Variants in HMGXB3 observed in about 807,000 individuals in gnomAD.
The protein encoded by HMGXB3 is HMG-box containing 3.
Under a neutral mutation model 121.5 loss-of-function variants are expected in HMGXB3, and 45 were observed. The ratio of observed to expected loss-of-function variants is 0.37; its 90% confidence interval spans 0.29 to 0.47. The LOEUF is 0.47. HMGXB3 is among the 20% of genes least tolerant of loss of function. The pLI is 0.99. For synonymous variants in HMGXB3, 590 were observed against 624.1 expected (o/e 0.95, Z 0.81); for missense variants, 1,376 against 1,602.2 (o/e 0.86, Z 2.41).
rs1418543517 is a variant in HMGXB3, at chr5:150,037,537, A to C, written c.2413+10A>C. The C allele has an allele frequency of 1.3e-6, 2 of 1,519,550 alleles. No homozygotes were observed. Among genetic ancestry groups the C allele is most frequent in the Non-Finnish European group, 1.8e-6 (2 of 1,126,596 alleles). 94.1% of individuals were successfully genotyped at this position (1,519,550 alleles called of 1,614,324 possible). Reference sequence around the variant, plus strand: ...ATAGACATCTACACAGGTGGGTGCCAACCTTCTCTTCCCTCAGAGCATCCC... The same window carrying C: ...ATAGACATCTACACAGGTGGGTGCCCACCTTCTCTTCCCTCAGAGCATCCC... On this transcript the variant is annotated intron_variant, in intron 13 of 19. Transcript: ENST00000502717.
intron 6 of HMGXB3, among the ~76,000 whole-genome samples, chr5:150,019,545 A>G (rs1238241945): frequency 2.0e-5 from 3 of 152,226 alleles, no homozygotes; most frequent in Non-Finnish European, 2.9e-5. Flanking sequence ...ATGAAACTAT[A>G]CATTTTAAGG....
In HMGXB3 at chr5:150,004,887, T is replaced by A; in HGVS notation, c.35T>A (p.Val12Asp). 6.4e-7 allele frequency: 1 copy of A among 1,551,682 alleles called. No individual in the cohort carries two copies. The highest frequency in any genetic ancestry group is 8.7e-7 in the Non-Finnish European group (1 of 1,146,946). Reference sequence around the variant, plus strand: ...TCATATGATGGTACTGAGGTAACTGTCGTGATGGAGGAAATTGAGGAAGCC... The same window carrying A: ...TCATATGATGGTACTGAGGTAACTGACGTGATGGAGGAAATTGAGGAAGCC... ...DASYDGTEVT[V>D]VMEEIEEAYC... Residue 12 changes from valine (V) to aspartate (D), a missense_variant, in exon 2 of 20, where the codon GTC becomes GAC. Around this residue, in one of 2 missense-constraint regions of HMGXB3, gnomAD observed 1,116 missense variants for 1,369.0 expected, o/e 0.82. Coordinates refer to ENST00000502717, the MANE Select transcript of HMGXB3 (RefSeq NM_014983.3).
Position 150,036,641 on chromosome 5 carries a change from G to C in HMGXB3, c.1989G>C (p.Val663=), listed in dbSNP as rs1177555661. The C allele has an allele frequency of 1.3e-6, 2 of 1,540,590 alleles. No homozygotes were observed. The highest frequency in any genetic ancestry group is 1.8e-6 in the Non-Finnish European group (2 of 1,140,544). The change falls in exon 12 of 20, where the codon GTG becomes GTC. Residue 663 remains valine, a synonymous_variant. Coordinates refer to ENST00000502717, the MANE Select transcript of HMGXB3 (RefSeq NM_014983.3). The part of the protein sequence containing the change: ...RTEKTTKAIE[V]SSPLPDVLNA... ...TCAATCCACTCTCTTCCCAGGAGGT[G>C]AGCTCACCACTCCCAGATGTACTGA...
intron 6 of HMGXB3, among the ~76,000 whole-genome samples, chr5:150,022,986 A>ATTTTTTTTT (rs56092645): frequency 9.9e-6 from 1 of 100,868 alleles, no homozygotes; most frequent in African/African-American, 4.4e-5. Flanking sequence ...TGCCTGGCTA[A>ATTTTTTTTT]TTTTTTTTTT....
chr5:150,025,487 G>GTA (rs1032243825), intron 7 of HMGXB3, among the ~76,000 whole-genome samples: 7 of 147,102 alleles, frequency 4.8e-5, no homozygotes, highest in African/African-American at 1.6e-4. Flanking sequence ...GTGTGTGTGT[G>GTA]TATATATATT....
At chr5:150,017,444 G>C (rs916509927) in intron 5 of HMGXB3, among the ~76,000 whole-genome samples, 1 of 152,144 alleles carries the variant, frequency 6.6e-6, no homozygotes, top group Admixed American at 6.5e-5. Flanking sequence ...CTATAAAATA[G>C]GAAGAACAGG....
rs1359611079 is a variant in HMGXB3 at position 150,045,511 on chromosome 5, G to T, written c.2776G>T (p.Asp926Tyr). 6.4e-7 allele frequency: 1 copy of T among 1,552,318 alleles called. No homozygotes were observed. Among genetic ancestry groups the T allele is most frequent in the Non-Finnish European group, 8.7e-7 (1 of 1,147,126 alleles). The change falls in exon 16 of 20, where the codon GAC becomes TAC. Residue 926 changes from aspartate to tyrosine, a missense_variant. By Grantham distance (160) the Asp-to-Tyr change is radical. Transcript: ENST00000502717. ...FLGSNEVNVEDFWATMETEVI... is the reference protein window; with the variant it reads ...FLGSNEVNVEYFWATMETEVI... ...GGGCTCTAATGAGGTAAATGTGGAG[G>T]ACTTTTGGGCCACGATGGAGACAGA...
At position 150,027,958 on chromosome 5, in the gene HMGXB3, A is replaced by G. The variant is rs151303124; in HGVS notation, c.1734+841A>G. On this transcript the variant is annotated intron_variant, in intron 9 of 19. Coordinates refer to ENST00000502717, the MANE Select transcript of HMGXB3 (RefSeq NM_014983.3). The stretch of plus-strand genomic sequence containing the variant: ...CCTGTGAACCCTGAAAATCTGAGAC[A>G]GGTCTCAGTTAATTTAGAAAGCTTA... 9.4e-3 allele frequency among the ~76,000 whole-genome samples: 1,438 copies of G among 152,332 alleles called. 14 individuals carry two copies. The highest frequency in any genetic ancestry group is 0.015 in the Non-Finnish European group (1,028 of 68,032).
rs995525512 is a variant in HMGXB3, at chr5:150,041,842, A to G, written c.2603A>G (p.Tyr868Cys). 3.2e-6 allele frequency: 5 copies of G among 1,551,626 alleles called. No homozygotes were observed. The highest frequency in any genetic ancestry group is 1.4e-5 in the African/African-American group (1 of 73,140). ...CTGCAGGAGCTGCTGTGCAATGGCT[A>G]TTGGGCCTTTGAGTGCCTCACTGTC... is the stretch of plus-strand genomic sequence containing the variant. ...SQLQELLCNG[Y>C]WAFECLTVRD... The change falls in exon 15 of 20, where the codon TAT becomes TGT. Residue 868 changes from tyrosine to cysteine, a missense_variant. Tyr to Cys is a radical substitution (Grantham distance 194). Coordinates refer to ENST00000502717, the MANE Select transcript of HMGXB3 (RefSeq NM_014983.3).
In HMGXB3 at chr5:150,051,914, G is replaced by A. The variant is rs201732673; in HGVS notation, c.3601G>A (p.Ala1201Thr). Residue 1201 changes from alanine to threonine, a missense_variant, in exon 20 of 20, where the codon GCA becomes ACA. Transcript: ENST00000502717. ...CCTGTGCCCTGAATTGGCACCTTAC[G>A]CAACCATCCTGGCCTCCATCGTGGA... ...LALCPELAPY[A>T]TILASIVDSK... 135 of 1,551,940 alleles carry A rather than the reference G, an allele frequency of 8.7e-5. No homozygotes were observed. The highest frequency in any genetic ancestry group is 1.2e-4 in the East Asian group (5 of 40,926).
intron 9 of HMGXB3, among the ~76,000 whole-genome samples, chr5:150,028,385 A>G (rs896344041): frequency 1.4e-5 from 2 of 144,602 alleles, no homozygotes; most frequent in Non-Finnish European, 3.0e-5. Context: ...CCCAAGATTT[A>G]TTTTCTTTTC....
At chr5:150,031,417 G>A (rs2113749394) in intron 10 of HMGXB3, among the ~76,000 whole-genome samples, 1 of 152,364 alleles carries the variant, frequency 6.6e-6, no homozygotes, top group East Asian at 1.9e-4. Flanking sequence ...ATAAATGCTA[G>A]ACAGCTGAGA....
chr5:150,051,536 A>G (rs1379858446), intron 19 of HMGXB3, among the ~76,000 whole-genome samples, 189 bp from the exon 20 acceptor site: 17 of 152,192 alleles, frequency 1.1e-4, no homozygotes. Context: ...GAAGGTGGCC[A>G]CTGTTACTGT....
In HMGXB3 at chr5:150,026,882, G is replaced by T. The variant is rs1202018141; in HGVS notation, c.1636+1G>T. ...GCCAGGCAGGCCTTTTCCCTGAGTG[G>T]TAAGGGCTGGGACATACCTGGGATG... On this transcript the variant is annotated splice_donor_variant, in intron 8 of 19. Coordinates refer to ENST00000502717, the MANE Select transcript of HMGXB3 (RefSeq NM_014983.3). LOFTEE classifies it high-confidence loss of function. 2.6e-6 allele frequency: 4 copies of T among 1,509,836 alleles called. No homozygotes were observed. The highest frequency in any genetic ancestry group is 3.6e-6 in the Non-Finnish European group (4 of 1,126,616). The allele number at this position is 1,509,836 out of a possible 1,614,324, so 93.5% of individuals were successfully genotyped here. A position where few individuals can be genotyped will look rare whatever the true frequency, so the allele number is the denominator to read the frequency against.
At chr5:150,032,248 G>A (rs567168011) in intron 10 of HMGXB3, among the ~76,000 whole-genome samples, 1 of 152,224 alleles carries the variant, frequency 6.6e-6, no homozygotes, top group African/African-American at 2.4e-5. Context: ...GGAAGGACTG[G>A]ACTGGATTTG....
At chr5:150,021,788 T>A (rs1243404442) in intron 6 of HMGXB3, 1 of 505,902 alleles carries the variant, frequency 2.0e-6, no homozygotes, top group African/African-American at 1.9e-5. Flanking sequence ...GAGATTCTTT[T>A]CCTTTGCTCC....
At chr5:150,010,008 A>G in intron 3 of HMGXB3, 103 bp from the exon 4 acceptor site, 2 of 1,222,588 alleles carry the variant, frequency 1.6e-6, no homozygotes, top group Non-Finnish European at 2.2e-6. Context: ...CTTTTGCAGG[A>G]AAAAAAAAGA....
intron 9 of HMGXB3, among the ~76,000 whole-genome samples, chr5:150,028,565 T>TA (rs1561870052): frequency 5.0e-5 from 5 of 100,622 alleles, no homozygotes; most frequent in African/African-American, 2.5e-4. Context: ...ATATATTTTT[T>TA]TTTTTTTTTT....
At chr5:150,022,986 ATTTTTTTT>A (rs56092645) in intron 6 of HMGXB3, among the ~76,000 whole-genome samples, 2 of 100,876 alleles carry the variant, frequency 2.0e-5, no homozygotes, top group East Asian at 2.7e-4. Context: ...TGCCTGGCTA[ATTTTTTTT>A]TTTTTTTTTT....
Sources: gnomAD v4.1 joint callset for allele counts (sites outside exome capture counted in the v4.1 genomes callset) on GRCh38, gnomAD v4.1.1 for gene constraint, gnomAD v4.1.1 regional missense constraint, MANE v1.5 for transcripts, NCBI Gene and HGNC (gene_info 2026-07-23, HGNC 2026-07-21) for gene names.